PPP1R9A: variants seen among roughly 807,000 people sequenced by gnomAD.
The protein encoded by PPP1R9A is neurabin-1.
Under a neutral mutation model 141.9 loss-of-function variants are expected in PPP1R9A, and 59 were observed. The observed-to-expected ratio is 0.42, with a 90% CI of 0.34 to 0.52. The LOEUF (loss-of-function observed/expected upper bound fraction) is 0.52, where lower values mean the gene tolerates loss of function less well. PPP1R9A is among the 20% of genes least tolerant of loss of function. The probability of loss-of-function intolerance (pLI) is 0.10; values close to 1 mark genes in which losing one functional copy is unlikely to be tolerated. For missense variants in PPP1R9A, 1,444 were observed against 1,611.9 expected, an observed-to-expected ratio of 0.90 and a Z score of 1.78; for synonymous variants, 500 against 569.7, an observed-to-expected ratio of 0.88 and a Z score of 1.74.
chr7:95,208,439 T>A (rs1048457492), intron 7 of PPP1R9A, among the ~76,000 whole-genome samples: 1 of 152,148 alleles, frequency 6.6e-6, no homozygotes, highest in Non-Finnish European at 1.5e-5. Context: ...GCAATGTTTC[T>A]TACAGCTGGG....
At chr7:95,004,535 A>G (rs1243216420) in intron 2 of PPP1R9A, among the ~76,000 whole-genome samples, 1 of 152,184 alleles carries the variant, frequency 6.6e-6, no homozygotes, top group Non-Finnish European at 1.5e-5. Context: ...TTCCATGTAT[A>G]TGGAGCTGCT....
At chr7:94,988,045 G>A (rs73726028) in intron 2 of PPP1R9A, among the ~76,000 whole-genome samples, 2 of 152,126 alleles carry the variant, frequency 1.3e-5, no homozygotes, top group East Asian at 3.9e-4. Context: ...CTTGGAATTG[G>A]ATCAGAGGTT....
Position 95,290,113 on chromosome 7 carries a change from A to G in PPP1R9A, c.3935A>G (p.Gln1312Arg), listed in dbSNP as rs1190790788. The G allele has an allele frequency of 6.2e-7, 1 of 1,614,014 alleles. No individual in the cohort carries two copies. The highest frequency in any genetic ancestry group is 8.5e-7 in the Non-Finnish European group (1 of 1,179,964). Residue 1312 changes from glutamine to arginine, a missense_variant, in exon 20 of 20, where the codon CAG becomes CGG. Around this residue, in one of 5 missense-constraint regions of PPP1R9A, gnomAD observed 459 missense variants for 513.8 expected, o/e 0.89. Transcript: ENST00000433360. ...KLKALGMTAS[Q>R]DRAVVKKKLK... ...TAGGCTCTTGGAATGACAGCATCCCAGGACCGAGCAGTGGTCAAAAAGAAA... is the reference window on the plus strand; with the variant it reads ...TAGGCTCTTGGAATGACAGCATCCCGGGACCGAGCAGTGGTCAAAAAGAAA...
chr7:94,918,477 G>A (rs1584203721), intron 2 of PPP1R9A, among the ~76,000 whole-genome samples: 1 of 152,098 alleles, frequency 6.6e-6, no homozygotes, highest in Middle Eastern at 3.4e-3. Flanking sequence ...ATTTTAATTT[G>A]CAATTTTTTA....
intron 2 of PPP1R9A, among the ~76,000 whole-genome samples, chr7:95,022,288 A>G (rs1484499103): frequency 6.6e-6 from 1 of 152,132 alleles, no homozygotes; most frequent in Non-Finnish European, 1.5e-5. Context: ...TTATTGATGT[A>G]TAGGAATGCT....
intron 1 of PPP1R9A, among the ~76,000 whole-genome samples, chr7:94,909,658 T>TTG (rs1432478498): frequency 2.0e-5 from 3 of 151,846 alleles, no homozygotes; most frequent in African/African-American, 7.3e-5. Context: ...GTGTATGTGT[T>TTG]TGTGTGTGTG....
chr7:95,191,114 G>A (rs1360078686), intron 5 of PPP1R9A, among the ~76,000 whole-genome samples: 1 of 152,072 alleles, frequency 6.6e-6, no homozygotes, highest in Non-Finnish European at 1.5e-5. Context: ...CAGTTTAATT[G>A]TTGTTTAACT....
intron 2 of PPP1R9A, among the ~76,000 whole-genome samples, chr7:95,066,500 T>C (rs1312755923): frequency 6.6e-6 from 1 of 152,118 alleles, no homozygotes. Flanking sequence ...AGAAGTAAAC[T>C]TTAAAAATAT....
intron 2 of PPP1R9A, among the ~76,000 whole-genome samples, chr7:94,976,444 G>T (rs1048915875): frequency 6.0e-5 from 9 of 151,054 alleles, no homozygotes; most frequent in Admixed American, 2.0e-4. Flanking sequence ...GGGTTCAGGC[G>T]ATTCTCCTGC....
intron 2 of PPP1R9A, among the ~76,000 whole-genome samples, chr7:95,077,987 TTTTA>T (rs1014093653): frequency 2.7e-5 from 4 of 149,372 alleles, no homozygotes; most frequent in African/African-American, 1.0e-4. Flanking sequence ...TTTTTTTTTT[TTTTA>T]ATTATACTTT....
At chr7:95,110,770 C>T (rs139682225) in intron 2 of PPP1R9A, among the ~76,000 whole-genome samples, 2 of 152,162 alleles carry the variant, frequency 1.3e-5, no homozygotes, top group East Asian at 3.9e-4. Context: ...AACAAGAGCC[C>T]AGGACAGTGT....
At chr7:95,287,114 T>G (rs1217432267) in intron 18 of PPP1R9A, 1 of 1,613,002 alleles carries the variant, frequency 6.2e-7, no homozygotes, top group Non-Finnish European at 8.5e-7. Context: ...ACTCAGAGCC[T>G]GGATATGATA....
intron 4 of PPP1R9A, among the ~76,000 whole-genome samples, chr7:95,143,360 A>AT (rs796630460): frequency 6.6e-6 from 1 of 152,058 alleles, no homozygotes; most frequent in Admixed American, 6.6e-5. Context: ...AAATATTACA[A>AT]TTTTTTTCTT....
chr7:95,234,106 C>T (rs578006125), intron 8 of PPP1R9A, among the ~76,000 whole-genome samples: 24 of 152,160 alleles, frequency 1.6e-4, no homozygotes, highest in African/African-American at 5.5e-4. Flanking sequence ...AAGCATTCCC[C>T]GTGAAAACTG....
At chr7:95,153,646 C>G (rs544080491) in intron 4 of PPP1R9A, among the ~76,000 whole-genome samples, 1 of 152,090 alleles carries the variant, frequency 6.6e-6, no homozygotes, top group Admixed American at 6.5e-5. Context: ...TAATTGATAC[C>G]TTATATTGGT....
intron 4 of PPP1R9A, among the ~76,000 whole-genome samples, chr7:95,151,875 A>G (rs964869082): frequency 6.9e-6 from 1 of 145,974 alleles, no homozygotes; most frequent in Non-Finnish European, 1.5e-5. Context: ...TTGCTTATTT[A>G]TAAGTTTGTT....
chr7:95,034,247 A>G (rs1808124006), intron 2 of PPP1R9A, among the ~76,000 whole-genome samples: 1 of 152,082 alleles, frequency 6.6e-6, no homozygotes, highest in Admixed American at 6.6e-5. Flanking sequence ...CCCATTTAGC[A>G]AGATTTCTGG....
intron 16 of PPP1R9A, among the ~76,000 whole-genome samples, chr7:95,283,536 G>A (rs1444223338): frequency 6.6e-6 from 1 of 152,120 alleles, no homozygotes; most frequent in African/African-American, 2.4e-5. Context: ...TCCACCTAAA[G>A]TATTTTGAAC....
At chr7:95,092,465 T>C (rs1584644920) in intron 2 of PPP1R9A, among the ~76,000 whole-genome samples, 1 of 151,640 alleles carries the variant, frequency 6.6e-6, no homozygotes, top group Admixed American at 6.6e-5. Context: ...GCCAGCAGGG[T>C]GGACCAGACA....
Sources: allele counts gnomAD v4.1 joint callset (sites outside exome capture counted in the v4.1 genomes callset), GRCh38; gene constraint gnomAD v4.1.1; regional missense constraint gnomAD v4.1.1; transcripts MANE v1.5; gene names NCBI Gene and HGNC (gene_info 2026-07-23, HGNC 2026-07-21).